RTEL1: variants seen among roughly 807,000 people sequenced by gnomAD.
RTEL1 encodes the protein regulator of telomere length.
RTEL1 carries 86 observed loss-of-function variants against 162.2 expected under a neutral mutation model. The ratio of observed to expected loss-of-function variants is 0.53; its 90% CI spans 0.45 to 0.63. RTEL1 has a LOEUF of 0.63. Among genes scored for constraint, RTEL1 ranks in the 30% least tolerant of loss-of-function variants. The pLI is 0.00. For synonymous variants in RTEL1, 958 were observed against 717.9 expected, an observed-to-expected ratio of 1.33 and a Z score of -5.35; for missense variants, 1,941 against 1,750.2, an observed-to-expected ratio of 1.11 and a Z score of -1.95.
At chr20:63,685,714 C>G in intron 15 of RTEL1, 77 bp from the exon 16 acceptor site, 1 of 1,582,968 alleles carries the variant, frequency 6.3e-7, no homozygotes, top group Non-Finnish European at 8.6e-7. Context: ...GGCTGGGGGT[C>G]TTCTGGTCCT....
intron 14 of RTEL1, among the ~76,000 whole-genome samples, chr20:63,685,186 C>T (rs2090564384): frequency 6.6e-6 from 1 of 152,068 alleles, no homozygotes; most frequent in African/African-American, 2.4e-5. Context: ...CTGCACTAGG[C>T]CATGTTGAAT....
intron 9 of RTEL1, among the ~76,000 whole-genome samples, chr20:63,673,731 G>A (rs1601118870): frequency 1.3e-5 from 2 of 152,138 alleles, no homozygotes; most frequent in Non-Finnish European, 2.9e-5. Flanking sequence ...GAGCCACCGC[G>A]CCCGGCCTGA....
At chr20:63,687,912 G>C (rs773627640) in intron 17 of RTEL1, 25 bp from the exon 18 acceptor site, 9 of 1,609,964 alleles carry the variant, frequency 5.6e-6, no homozygotes, top group African/African-American at 1.3e-5. Flanking sequence ...CTTCCCCACT[G>C]TCTGCTCCCT....
chr20:63,660,149 G>A (rs528910058), intron 2 of RTEL1, among the ~76,000 whole-genome samples: 3 of 152,280 alleles, frequency 2.0e-5, no homozygotes, highest in South Asian at 4.1e-4. Flanking sequence ...ATGTACAATC[G>A]GGTTTTATAC....
Position 63,667,043 on chromosome 20 carries a change from G to T in RTEL1, c.615-426G>T, listed in dbSNP as rs995643122. Among the ~76,000 whole-genome samples the T allele has an allele frequency of 6.7e-5, 10 of 149,998 alleles. No homozygotes were observed. In the East Asian group the frequency reaches 8.0e-4, roughly 12 times the overall value. On this transcript the variant is annotated intron_variant, in intron 7 of 34. Transcript: ENST00000360203. Reference sequence around the variant, plus strand: ...TTTAGTAGAGACGGGGTTTCACCGTGTTAGCCAGGATGGTCTCGATCTTCT... The same window carrying T: ...TTTAGTAGAGACGGGGTTTCACCGTTTTAGCCAGGATGGTCTCGATCTTCT...
rs149177736 is a variant in RTEL1 at position 63,696,081 on chromosome 20, T to A, written c.*223T>A. 6.3e-3 allele frequency: 3,540 copies of A among 559,432 alleles called. 21 individuals carry two copies. Among genetic ancestry groups the A allele is most frequent in the Non-Finnish European group, 8.6e-3 (2,713 of 315,856 alleles). 34.7% of individuals were successfully genotyped at this position (559,432 alleles called of 1,614,324 possible). A position where few individuals can be genotyped will look rare whatever the true frequency, so the allele number is the denominator to read the frequency against. On this transcript the variant is annotated 3_prime_UTR_variant, in exon 35 of 35. Transcript: ENST00000360203. ...GCTACCTTGGGGTCTGGGGTGGGTT[T>A]CTGGGAAAGTGCTTCCCCAGAACTT... is the stretch of plus-strand genomic sequence containing the variant.
At chr20:63,692,693 C>T (rs1301379627) in intron 28 of RTEL1, 112 bp from the exon 29 acceptor site, 16 of 1,057,982 alleles carry the variant, frequency 1.5e-5, no homozygotes, top group Non-Finnish European at 2.1e-5. Context: ...AGCAGCCCCA[C>T]CTCGGCAGTC....
At chr20:63,660,022 T>C (rs1392294839) in intron 2 of RTEL1, among the ~76,000 whole-genome samples, 2 of 152,060 alleles carry the variant, frequency 1.3e-5, no homozygotes, top group Non-Finnish European at 2.9e-5. Flanking sequence ...AGGCTAGTTT[T>C]ATGCTTTTCT....
chr20:63,693,448 G>A (rs1446760941), intron 30 of RTEL1, among the ~76,000 whole-genome samples, 165 bp downstream of exon 30: 5 of 42,358 alleles, frequency 1.2e-4, no homozygotes, highest in African/African-American at 4.8e-4. Context: ...AGCACCAGCA[G>A]CACCACCTCC....
At chr20:63,672,161 C>T (rs544958158) in intron 8 of RTEL1, among the ~76,000 whole-genome samples, 35 of 152,242 alleles carry the variant, frequency 2.3e-4, no homozygotes, top group Non-Finnish European at 5.0e-4. Context: ...GGATTACAGG[C>T]GTGAGCCACC....
At chr20:63,678,426 C>T (rs1412790191) in intron 12 of RTEL1, 80 bp downstream of exon 12, 2 of 1,353,146 alleles carry the variant, frequency 1.5e-6, no homozygotes. Context: ...CCTGGGCTGT[C>T]ACATCACGAG....
chr20:63,695,551 CTG>C lies in RTEL1; in HGVS notation c.3730_3731del (p.Cys1244ProfsTer17), dbSNP rs1316931773. 5.0e-6 allele frequency: 8 copies of C among 1,612,392 alleles called. No homozygotes were observed. The highest frequency in any genetic ancestry group is 1.3e-5 in the African/African-American group (1 of 75,052). On this transcript the variant is annotated frameshift_variant, in exon 34 of 35. Coordinates refer to ENST00000360203, the MANE Select transcript of RTEL1 (RefSeq NM_001283009.2). LOFTEE classifies it high-confidence loss of function. Reference sequence around the variant, plus strand: ...CTCCGGGCGGGCCCCTCTCAGCAGGCTGTGTGTGCCAGGGCTGTGGGGCAGAG... The same window carrying C: ...CTCCGGGCGGGCCCCTCTCAGCAGGCTGTGTGCCAGGGCTGTGGGGCAGAG... ...GAPGGPLSAG[C>X]VCQGCGAEDV...
Position 63,661,012 on chromosome 20 carries a change from C to T in RTEL1, c.103-286C>T, listed in dbSNP as rs1176864292. On this transcript the variant is annotated intron_variant, in intron 2 of 34. Coordinates refer to ENST00000360203, the MANE Select transcript of RTEL1 (RefSeq NM_001283009.2). The surrounding 1 kb of genome is among the most constrained non-coding windows in gnomAD (Gnocchi z 5.1). ...AACAGTTTCCTATTTTGAGACTTGA[C>T]ACCTAATTAGTCATCTTACTATTTA... Among the ~76,000 whole-genome samples, 3 of 152,270 alleles carry T rather than the reference C, an allele frequency of 2.0e-5. No homozygotes were observed. The East Asian group carries it at 5.8e-4, about 29-fold the overall frequency.
chr20:63,685,352 A>G (rs961972686), intron 14 of RTEL1, among the ~76,000 whole-genome samples, 171 bp from the exon 15 acceptor site: 3 of 152,128 alleles, frequency 2.0e-5, no homozygotes, highest in Admixed American at 6.5e-5. Context: ...GGGAGGAGAA[A>G]GGGTCAGGCA....
intron 14 of RTEL1, chr20:63,681,668 G>C: frequency 1.0e-6 from 1 of 985,350 alleles, no homozygotes; most frequent in Non-Finnish European, 1.2e-6. Flanking sequence ...CTTCACAGAC[G>C]CAGCTCTGAG....
chr20:63,664,404 G>T (rs986558609), intron 6 of RTEL1, among the ~76,000 whole-genome samples: 1 of 152,278 alleles, frequency 6.6e-6, no homozygotes, highest in Non-Finnish European at 1.5e-5. Flanking sequence ...GTGGCTGCTG[G>T]GCCTGGGACC....
chr20:63,688,935 G>A (rs1012970074), intron 21 of RTEL1, 120 bp from the exon 22 acceptor site: 30 of 891,516 alleles, frequency 3.4e-5, no homozygotes, highest in South Asian at 1.6e-4. Flanking sequence ...TCCAGAACCC[G>A]ATTGGCCTTC....
At chr20:63,657,848 C>G (rs1371768635), upstream of RTEL1, 1 of 152,348 alleles carries the variant, frequency 6.6e-6, no homozygotes. Context: ...GTGCTGGGGA[C>G]TCAGGGAGGC....
intron 34 of RTEL1, 21 bp downstream of exon 34, chr20:63,695,671 G>C: frequency 6.2e-7 from 1 of 1,610,910 alleles, no homozygotes; most frequent in Non-Finnish European, 8.5e-7. Context: ...GGCCACTACA[G>C]TTCCTGCTGG....
Sources: allele counts gnomAD v4.1 joint callset (sites outside exome capture counted in the v4.1 genomes callset), GRCh38; gene constraint gnomAD v4.1.1; non-coding constraint Gnocchi (gnomAD v3.1); transcripts MANE v1.5; gene names NCBI Gene and HGNC (gene_info 2026-07-23, HGNC 2026-07-21).